SUB1: variants seen among roughly 807,000 people sequenced by gnomAD.
SUB1 encodes SUB1 regulator of transcription.
Under a neutral mutation model 16.9 loss-of-function variants are expected in SUB1, and 1 was observed. That is an observed-to-expected ratio of 0.06 (90% CI 0.02 to 0.28). The LOEUF (loss-of-function observed/expected upper bound fraction) is 0.28, where lower values mean the gene tolerates loss of function less well. Ranked by LOEUF, SUB1 falls within the 10% of genes least tolerant of loss-of-function variation. The probability of loss-of-function intolerance (pLI) is 1.00; values close to 1 mark genes in which losing one functional copy is unlikely to be tolerated. For missense variants in SUB1, 84 were observed against 145.2 expected (o/e 0.58, Z 2.16); for synonymous variants, 51 against 46.9 (o/e 1.09, Z -0.36).
At chr5:32,585,844 C>T (rs1038652699) in intron 1 of SUB1, 1 of 152,580 alleles carries the variant, frequency 6.6e-6, no homozygotes, top group Non-Finnish European at 1.5e-5. Flanking sequence ...GACTCCTGTC[C>T]CCGGGGAGCC....
intron 1 of SUB1, among the ~76,000 whole-genome samples, chr5:32,588,077 T>C (rs1304740143): frequency 6.8e-6 from 1 of 146,642 alleles, no homozygotes; most frequent in African/African-American, 2.8e-5. Context: ...CAGTTCCCCA[T>C]AGTGAATAAT....
chr5:32,590,333 A>G lies in SUB1; in HGVS notation c.73-1230A>G, dbSNP rs539298420. ...TATTTATACTATTCCATCAAGAAGG[A>G]ACATGACTGCCCTCTTCTGTTTGGG... On this transcript the variant is annotated intron_variant, in intron 2 of 4. Coordinates refer to ENST00000265073, the MANE Select transcript of SUB1 (RefSeq NM_006713.4). 2.6e-3 allele frequency among the ~76,000 whole-genome samples: 396 copies of G among 152,190 alleles called. 1 individual carries two copies. The highest frequency in any genetic ancestry group is 8.8e-3 in the African/African-American group (367 of 41,532).
chr5:32,586,648 T>C (rs1002191124), intron 1 of SUB1: 3 of 152,236 alleles, frequency 2.0e-5, no homozygotes, highest in African/African-American at 4.8e-5. Flanking sequence ...ACGGTAGTTA[T>C]GATCGACAGT....
chr5:32,590,776 T>A lies in SUB1; in HGVS notation c.73-787T>A, dbSNP rs995056053. Among the ~76,000 whole-genome samples, 3 of 117,910 alleles carry A rather than the reference T, an allele frequency of 2.5e-5. 1 individual carries two copies. Among genetic ancestry groups the A allele is most frequent in the African/African-American group, 8.8e-5 (3 of 34,006 alleles). 77.4% of individuals were successfully genotyped at this position (117,910 alleles called of 152,430 possible). On this transcript the variant is annotated intron_variant, in intron 2 of 4. Coordinates refer to ENST00000265073, the MANE Select transcript of SUB1 (RefSeq NM_006713.4). ...ACGCCTGGCTAATTTTTTTTTTTTT[T>A]TTTTTTTTTGAGATGGAGTATCGCT...
intron 1 of SUB1, among the ~76,000 whole-genome samples, 164 bp from the exon 2 acceptor site, chr5:32,588,348 G>T (rs1309696991): frequency 6.6e-6 from 1 of 152,210 alleles, no homozygotes; most frequent in African/African-American, 2.4e-5. Flanking sequence ...CAACTTAAAA[G>T]GGTATAGATT....
intron 2 of SUB1, among the ~76,000 whole-genome samples, chr5:32,589,702 A>G (rs1406467688): frequency 3.9e-5 from 6 of 152,232 alleles, no homozygotes; most frequent in Admixed American, 6.5e-5. Context: ...AGAACTTTAC[A>G]TATCTGAAGA....
At chr5:32,589,293 CTA>C (rs1384555701) in intron 2 of SUB1, among the ~76,000 whole-genome samples, 3 of 152,046 alleles carry the variant, frequency 2.0e-5, no homozygotes, top group Admixed American at 6.6e-5. Flanking sequence ...TGCTGTGTTG[CTA>C]AGGCTGGTCT....
chr5:32,601,149 C>G lies in SUB1; in HGVS notation c.*65C>G. On this transcript the variant is annotated 3_prime_UTR_variant, in exon 5 of 5. Coordinates refer to ENST00000265073, the MANE Select transcript of SUB1 (RefSeq NM_006713.4). ...GTTTTAATCTGTCTTTTTACATTGG[C>G]TTTTGTTTTCTAAATGTTCTCCAAG... 1 of 1,289,810 alleles carries G rather than the reference C, an allele frequency of 7.8e-7. No homozygotes were observed. The highest frequency in any genetic ancestry group is 1.1e-6 in the Non-Finnish European group (1 of 910,908). The allele number at this position is 1,289,810 out of a possible 1,614,324, so 79.9% of individuals were successfully genotyped here.
At chr5:32,588,403 G>T in intron 1 of SUB1, 109 bp from the exon 2 acceptor site, 1 of 963,558 alleles carries the variant, frequency 1.0e-6, no homozygotes, top group South Asian at 1.7e-5. Flanking sequence ...AAAAATGGTA[G>T]AATGAACCGT....
At chr5:32,598,730 AGTT>A in intron 3 of SUB1, 1 of 365,134 alleles carries the variant, frequency 2.7e-6, no homozygotes, top group Non-Finnish European at 4.9e-6. Flanking sequence ...TTGTTCTGTG[AGTT>A]TTTTCAAATT....
rs1186544470 is a variant in SUB1, at chr5:32,603,829, A to G, written c.*2745A>G. On this transcript the variant is annotated 3_prime_UTR_variant, in exon 5 of 5. Coordinates refer to ENST00000265073, the MANE Select transcript of SUB1 (RefSeq NM_006713.4). ...AAAGTAAAAGTACTTAAATTTAGGT[A>G]TCTCTCCTGAAATTCTTTGCAGTTC... 1 of 152,164 alleles carries G rather than the reference A, an allele frequency of 6.6e-6. No individual in the cohort carries two copies. The highest frequency in any genetic ancestry group is 2.4e-5 in the African/African-American group (1 of 41,446). 9.4% of individuals were successfully genotyped at this position (152,164 alleles called of 1,614,324 possible).
chr5:32,599,577 C>A (rs1561037808), intron 4 of SUB1, among the ~76,000 whole-genome samples: 1 of 152,182 alleles, frequency 6.6e-6, no homozygotes. Context: ...GGTGAGCCAA[C>A]CTAAATTTGT....
intron 3 of SUB1, among the ~76,000 whole-genome samples, chr5:32,593,925 C>T (rs1738892969): frequency 6.6e-6 from 1 of 152,170 alleles, no homozygotes; most frequent in African/African-American, 2.4e-5. Flanking sequence ...ATCTCTTGAC[C>T]TCGCCATCTG....
chr5:32,591,650 C>T lies in SUB1; in HGVS notation c.160C>T (p.Gln54Ter). 6.2e-7 allele frequency: 1 copy of T among 1,601,176 alleles called. No homozygotes were observed. Among genetic ancestry groups the T allele is most frequent in the Non-Finnish European group, 8.5e-7 (1 of 1,175,524 alleles). Residue 54 changes from glutamine (Q) to a stop codon, truncating the protein, a stop_gained, in exon 3 of 5, where the codon CAG (glutamine) becomes TAG (stop). Transcript: ENST00000265073. LOFTEE classifies it high-confidence loss of function. ...ETSRALSSSK[Q>*]SSSSRDDNMF... is the part of the protein sequence containing the mutation. Reference sequence around the variant, plus strand: ...TTCGAGAGCCCTGTCATCTTCTAAACAGAGCAGCAGCAGCAGAGATGATAA... The same window carrying T: ...TTCGAGAGCCCTGTCATCTTCTAAATAGAGCAGCAGCAGCAGAGATGATAA...
chr5:32,601,120 A>G lies in SUB1; in HGVS notation c.*36A>G. ...ATATAAATAAAACCTGTACTGTTCT[A>G]GTTGTTTTAATCTGTCTTTTTACAT... On this transcript the variant is annotated 3_prime_UTR_variant, in exon 5 of 5. Coordinates refer to ENST00000265073, the MANE Select transcript of SUB1 (RefSeq NM_006713.4). 3 of 1,529,094 alleles carry G rather than the reference A, an allele frequency of 2.0e-6. No homozygotes were observed. The highest frequency in any genetic ancestry group is 2.7e-6 in the Non-Finnish European group (3 of 1,110,422). The allele number at this position is 1,529,094 out of a possible 1,614,324, so 94.7% of individuals were successfully genotyped here.
At chr5:32,589,878 G>T (rs1434948353) in intron 2 of SUB1, among the ~76,000 whole-genome samples, 1 of 151,756 alleles carries the variant, frequency 6.6e-6, no homozygotes. Flanking sequence ...CTGAAGCTTA[G>T]CAATTTTAGC....
At chr5:32,598,819 G>A (rs904436812) in intron 3 of SUB1, 142 bp from the exon 4 acceptor site, 30 of 646,068 alleles carry the variant, frequency 4.6e-5, no homozygotes, top group Middle Eastern at 4.3e-4. Context: ...ACAGTTCAGA[G>A]CCATGTTGTT....
chr5:32,601,510 G>A lies in SUB1; in HGVS notation c.*426G>A, dbSNP rs1390253723. ...TTGATCTTTTCTCTTCCAATCAAAT[G>A]TCTAGGCTTGTTTGACTTCCACCCC... On this transcript the variant is annotated 3_prime_UTR_variant, in exon 5 of 5. Coordinates refer to ENST00000265073, the MANE Select transcript of SUB1 (RefSeq NM_006713.4). 2 of 154,560 alleles carry A rather than the reference G, an allele frequency of 1.3e-5. No individual in the cohort carries two copies. Among genetic ancestry groups the A allele is most frequent in the Non-Finnish European group, 2.9e-5 (2 of 69,822 alleles). 9.6% of individuals were successfully genotyped at this position (154,560 alleles called of 1,614,324 possible). A position where few individuals can be genotyped will look rare whatever the true frequency, so the allele number is the denominator to read the frequency against.
At position 32,603,142 on chromosome 5, in the gene SUB1, T is replaced by C. The variant is rs141802392; in HGVS notation, c.*2058T>C. The C allele has an allele frequency of 6.6e-6, 1 of 152,304 alleles. No homozygotes were observed. The highest frequency in any genetic ancestry group is 1.9e-4 in the East Asian group (1 of 5,192). 9.4% of individuals were successfully genotyped at this position (152,304 alleles called of 1,614,324 possible). ...AGCCTCCATATAAGGAGTGTTTCTC[T>C]GGCACAGTTGGTAAGTTGACTGCTA... On this transcript the variant is annotated 3_prime_UTR_variant, in exon 5 of 5. Transcript: ENST00000265073.
Sources: gnomAD v4.1 joint callset for allele counts (sites outside exome capture counted in the v4.1 genomes callset) on GRCh38, gnomAD v4.1.1 for gene constraint, MANE v1.5 for transcripts, NCBI Gene and HGNC (gene_info 2026-07-23, HGNC 2026-07-21) for gene names.